Variants in STX8 observed in about 807,000 individuals in gnomAD.
STX8 encodes the protein syntaxin-8.
A neutral mutation model predicts 37.5 loss-of-function variants in STX8; 23 were observed. That is an observed-to-expected ratio of 0.61 (90% confidence interval 0.44 to 0.87). STX8 has a LOEUF of 0.87. Ranked by LOEUF, STX8 falls within the 40% of genes least tolerant of loss-of-function variation. The pLI is 0.00. For synonymous variants in STX8, 115 were observed against 99.1 expected, an observed-to-expected ratio of 1.16 and a Z score of -0.95; for missense variants, 313 against 284.7, an observed-to-expected ratio of 1.10 and a Z score of -0.71.
intron 5 of STX8, among the ~76,000 whole-genome samples, chr17:9,504,687 T>C (rs1904752076): frequency 6.6e-6 from 1 of 151,922 alleles, no homozygotes. Flanking sequence ...CAGTAGAAAA[T>C]CTGGTGGCCG....
At chr17:9,561,087 C>A (rs1296502152) in intron 2 of STX8, among the ~76,000 whole-genome samples, 1 of 151,782 alleles carries the variant, frequency 6.6e-6, no homozygotes, top group Non-Finnish European at 1.5e-5. Flanking sequence ...AAGATTTACA[C>A]ACACAAAACA....
chr17:9,251,686 T>C (rs1906583697), intron 7 of STX8, among the ~76,000 whole-genome samples: 1 of 152,154 alleles, frequency 6.6e-6, no homozygotes, highest in African/African-American at 2.4e-5. Flanking sequence ...GCAAAGAAAA[T>C]GCTAAATTTC....
intron 7 of STX8, among the ~76,000 whole-genome samples, chr17:9,255,265 G>T (rs1034216384): frequency 6.6e-6 from 1 of 151,638 alleles, no homozygotes; most frequent in Non-Finnish European, 1.5e-5. Context: ...TGTGGCTCAC[G>T]CCTGTAATCC....
intron 7 of STX8, among the ~76,000 whole-genome samples, chr17:9,279,961 G>A (rs1597580852): frequency 6.6e-6 from 1 of 152,228 alleles, no homozygotes; most frequent in African/African-American, 2.4e-5. Context: ...ATAACAGGGT[G>A]TGATGGCTTA....
At chr17:9,359,661 C>A (rs796636997) in intron 7 of STX8, among the ~76,000 whole-genome samples, 20 of 152,012 alleles carry the variant, frequency 1.3e-4, no homozygotes, top group African/African-American at 4.1e-4. Flanking sequence ...GCGCCGACCA[C>A]CATGCCCGGC....
chr17:9,255,545 AATAAATAAATAT>A (rs1187169386), intron 7 of STX8, among the ~76,000 whole-genome samples: 320 of 70,350 alleles, frequency 4.5e-3, no homozygotes, highest in African/African-American at 0.011. Flanking sequence ...TAAATAAATA[AATAAATAAATAT>A]ATAAATAAAT....
chr17:9,530,179 C>T (rs1597726603), intron 4 of STX8, among the ~76,000 whole-genome samples: 2 of 151,906 alleles, frequency 1.3e-5, no homozygotes, highest in African/African-American at 2.4e-5. Flanking sequence ...GGTGCAGTGA[C>T]GGGCGCCTGT....
intron 7 of STX8, among the ~76,000 whole-genome samples, chr17:9,289,728 CG>C (rs1235050167): frequency 6.6e-6 from 1 of 151,414 alleles, no homozygotes; most frequent in African/African-American, 2.4e-5. Flanking sequence ...TGCAGTGAGT[CG>C]GGATCGCGCC....
rs368283809 is a variant in STX8, at chr17:9,520,894, T to C, written c.324-15732A>G. Among the ~76,000 whole-genome samples the C allele has an allele frequency of 3.9e-5, 6 of 152,278 alleles. No homozygotes were observed. In the East Asian group the frequency reaches 9.7e-4, roughly 24 times the overall value. On this transcript the variant is annotated intron_variant, in intron 4 of 7. Coordinates refer to ENST00000306357, the MANE Select transcript of STX8 (RefSeq NM_004853.3). ...ATGTTTGTTTTGTCTGGAAAAAATA[T>C]CAGTGTTTGGGCATTCACAGACCAC...
chr17:9,323,022 AG>A (rs1244378100), intron 7 of STX8, among the ~76,000 whole-genome samples: 1 of 152,098 alleles, frequency 6.6e-6, no homozygotes, highest in Non-Finnish European at 1.5e-5. Flanking sequence ...CAAACACTGT[AG>A]TTCCTTAAGA....
At chr17:9,409,919 G>C (rs1281372374) in intron 6 of STX8, among the ~76,000 whole-genome samples, 2 of 151,370 alleles carry the variant, frequency 1.3e-5, no homozygotes, top group Non-Finnish European at 1.5e-5. Flanking sequence ...TATAAACTTA[G>C]AAACTGCCCT....
chr17:9,562,656 C>T (rs1428144867), intron 2 of STX8, among the ~76,000 whole-genome samples: 1 of 151,474 alleles, frequency 6.6e-6, no homozygotes, highest in Non-Finnish European at 1.5e-5. Flanking sequence ...TGAAAACACA[C>T]TCCACTTGAC....
intron 7 of STX8, among the ~76,000 whole-genome samples, chr17:9,373,533 T>C (rs1911480613): frequency 6.6e-6 from 1 of 152,150 alleles, no homozygotes; most frequent in Non-Finnish European, 1.5e-5. Context: ...CCGCTTACAA[T>C]AGGTACCTAG....
intron 2 of STX8, 148 bp from the exon 3 acceptor site, chr17:9,557,676 G>A: frequency 1.5e-6 from 1 of 680,198 alleles, no homozygotes; most frequent in Non-Finnish European, 2.5e-6. Context: ...ACAAACTCAG[G>A]GCTGGAAGGA....
intron 4 of STX8, among the ~76,000 whole-genome samples, chr17:9,522,298 A>G (rs1050551026): frequency 6.6e-6 from 1 of 152,180 alleles, no homozygotes; most frequent in African/African-American, 2.4e-5. Context: ...TAGTTACAAC[A>G]GTCCAGGAGG....
chr17:9,253,207 G>GGTGGGTGT (rs1555582914), intron 7 of STX8, among the ~76,000 whole-genome samples: 61 of 141,026 alleles, frequency 4.3e-4, no homozygotes, highest in African/African-American at 1.5e-3. Flanking sequence ...CAGGGGTAGG[G>GGTGGGTGT]GTGTGTGTGT....
At chr17:9,540,267 T>C (rs1457386358) in intron 4 of STX8, among the ~76,000 whole-genome samples, 3 of 152,164 alleles carry the variant, frequency 2.0e-5, no homozygotes, top group African/African-American at 4.8e-5. Context: ...CCCTGACTAG[T>C]TGGAGCAACG....
intron 6 of STX8, among the ~76,000 whole-genome samples, chr17:9,412,741 C>T (rs1913026756): frequency 6.6e-6 from 1 of 152,150 alleles, no homozygotes; most frequent in Admixed American, 6.5e-5. Context: ...CCCTCATTCC[C>T]TTCAGCATTT....
At chr17:9,313,097 A>G (rs1909249589) in intron 7 of STX8, among the ~76,000 whole-genome samples, 1 of 152,202 alleles carries the variant, frequency 6.6e-6, no homozygotes, top group Non-Finnish European at 1.5e-5. Flanking sequence ...AGACTGAGAC[A>G]GGAGAATCAC....
Sources: gnomAD v4.1 joint callset for allele counts (sites outside exome capture counted in the v4.1 genomes callset) on GRCh38, gnomAD v4.1.1 for gene constraint, MANE v1.5 for transcripts, NCBI Gene and HGNC (gene_info 2026-07-23, HGNC 2026-07-21) for gene names.